Variants in GRM8 observed in about 807,000 individuals in gnomAD.
GRM8 encodes metabotropic glutamate receptor 8.
GRM8 carries 47 observed loss-of-function variants against 87.2 expected under a neutral mutation model. The ratio of observed to expected loss-of-function variants is 0.54; its 90% CI spans 0.43 to 0.69. The LOEUF (loss-of-function observed/expected upper bound fraction) is 0.69. Among genes scored for constraint, GRM8 ranks in the 30% least tolerant of loss-of-function variants. GRM8 has a pLI of 0.00. For synonymous variants in GRM8, 396 were observed against 404.5 expected, an observed-to-expected ratio of 0.98 and a Z score of 0.25; for missense variants, 1,019 against 1,139.2, an observed-to-expected ratio of 0.89 and a Z score of 1.52.
chr7:127,072,546 C>T (rs1821804455), intron 3 of GRM8, among the ~76,000 whole-genome samples: 1 of 151,946 alleles, frequency 6.6e-6, no homozygotes, highest in Non-Finnish European at 1.5e-5. Context: ...TGTTCTCAAA[C>T]TTATGCTTTC....
At chr7:127,041,774 T>G (rs934739897) in intron 3 of GRM8, among the ~76,000 whole-genome samples, 7 of 152,192 alleles carry the variant, frequency 4.6e-5, no homozygotes, top group African/African-American at 1.7e-4. Flanking sequence ...TCCAGTCAGG[T>G]TGGTTTATGC....
chr7:126,763,464 T>C (rs1433242257), intron 7 of GRM8, among the ~76,000 whole-genome samples: 1 of 77,270 alleles, frequency 1.3e-5, no homozygotes, highest in African/African-American at 3.6e-5. Context: ...TATATATATA[T>C]ATATATATAC....
At chr7:126,544,613 C>T (rs1172666021) in intron 8 of GRM8, among the ~76,000 whole-genome samples, 3 of 152,040 alleles carry the variant, frequency 2.0e-5, no homozygotes, top group South Asian at 2.1e-4. Flanking sequence ...CGGGTTCAGA[C>T]GATTCTCCTG....
intron 6 of GRM8, among the ~76,000 whole-genome samples, chr7:126,884,760 T>A (rs1477056385): frequency 6.6e-6 from 1 of 152,148 alleles, no homozygotes; most frequent in Non-Finnish European, 1.5e-5. Flanking sequence ...CAAAAAGATA[T>A]GCTCCTTATC....
At chr7:126,540,580 T>A (rs1471557990) in intron 8 of GRM8, among the ~76,000 whole-genome samples, 1 of 152,212 alleles carries the variant, frequency 6.6e-6, no homozygotes, top group Non-Finnish European at 1.5e-5. Flanking sequence ...AAATGTGGTA[T>A]ATCTATATTA....
intron 6 of GRM8, among the ~76,000 whole-genome samples, chr7:126,814,347 T>A (rs894261124): frequency 2.0e-5 from 3 of 152,082 alleles, no homozygotes; most frequent in African/African-American, 7.2e-5. Context: ...GTAAGGGACC[T>A]TATCAGATAC....
intron 2 of GRM8, among the ~76,000 whole-genome samples, chr7:127,131,161 C>G (rs889429234): frequency 6.6e-6 from 1 of 152,194 alleles, no homozygotes; most frequent in African/African-American, 2.4e-5. Flanking sequence ...CAGGCTCCCT[C>G]CCAACCTTCA....
chr7:126,583,275 G>A (rs1795782625), intron 8 of GRM8, among the ~76,000 whole-genome samples: 1 of 152,056 alleles, frequency 6.6e-6, no homozygotes, highest in African/African-American at 2.4e-5. Flanking sequence ...AAAATTGCTT[G>A]AACCCGGGAA....
intron 2 of GRM8, among the ~76,000 whole-genome samples, chr7:127,177,833 A>G (rs1197910775): frequency 6.6e-6 from 1 of 152,214 alleles, no homozygotes; most frequent in Non-Finnish European, 1.5e-5. Context: ...CCTGTGGGAC[A>G]AAAGAATCTG....
chr7:126,811,995 G>A (rs1209884434), intron 6 of GRM8, among the ~76,000 whole-genome samples: 1 of 151,824 alleles, frequency 6.6e-6, no homozygotes, highest in Non-Finnish European at 1.5e-5. Context: ...GGTGAGAGGG[G>A]TGAAGATGAA....
intron 8 of GRM8, among the ~76,000 whole-genome samples, chr7:126,577,194 T>A (rs1185468274): frequency 6.6e-6 from 1 of 152,172 alleles, no homozygotes; most frequent in Non-Finnish European, 1.5e-5. Flanking sequence ...TCACCCAATC[T>A]AGGCATGGGT....
At chr7:126,817,003 C>A (rs1204328505) in intron 6 of GRM8, among the ~76,000 whole-genome samples, 2 of 151,880 alleles carry the variant, frequency 1.3e-5, no homozygotes, top group Admixed American at 1.3e-4. Context: ...TGAAATATAA[C>A]CACATTATTA....
chr7:126,898,412 A>T (rs1801748584), intron 6 of GRM8, among the ~76,000 whole-genome samples: 1 of 152,172 alleles, frequency 6.6e-6, no homozygotes, highest in African/African-American at 2.4e-5. Flanking sequence ...TTGCTTTTTT[A>T]AAAAATTAAA....
At chr7:127,152,541 A>G (rs1289749477) in intron 2 of GRM8, among the ~76,000 whole-genome samples, 1 of 152,152 alleles carries the variant, frequency 6.6e-6, no homozygotes, top group African/African-American at 2.4e-5. Context: ...AAGACACTCA[A>G]CCTGGATTGC....
chr7:127,161,862 G>C (rs1183731356), intron 2 of GRM8, among the ~76,000 whole-genome samples: 2 of 152,070 alleles, frequency 1.3e-5, no homozygotes, highest in Non-Finnish European at 2.9e-5. Flanking sequence ...CCCTATTTCA[G>C]TGGATTTAAG....
At chr7:127,243,817 G>A (rs1478065481) in intron 1 of GRM8, among the ~76,000 whole-genome samples, 5 of 150,114 alleles carry the variant, frequency 3.3e-5, no homozygotes, top group Non-Finnish European at 5.9e-5. Context: ...TAAAAATCCT[G>A]CAACTGATGG....
chr7:127,173,471 G>A (rs1793932391), intron 2 of GRM8, among the ~76,000 whole-genome samples: 1 of 152,108 alleles, frequency 6.6e-6, no homozygotes, highest in Admixed American at 6.6e-5. Flanking sequence ...GGGAAAGAAA[G>A]GAGTAGTAGA....
intron 2 of GRM8, among the ~76,000 whole-genome samples, chr7:127,186,361 G>T (rs1794736181): frequency 6.6e-6 from 1 of 152,158 alleles, no homozygotes; most frequent in Non-Finnish European, 1.5e-5. Context: ...TGTCCAATCT[G>T]CCCCAGCAGT....
intron 2 of GRM8, among the ~76,000 whole-genome samples, chr7:127,126,320 T>G (rs1827369734): frequency 1.3e-5 from 2 of 151,960 alleles, no homozygotes; most frequent in African/African-American, 4.8e-5. Flanking sequence ...GAAGCATGTC[T>G]TTTGCAGCAA....
Sources: gnomAD v4.1 joint callset for allele counts (sites outside exome capture counted in the v4.1 genomes callset) on GRCh38, gnomAD v4.1.1 for gene constraint, MANE v1.5 for transcripts, NCBI Gene and HGNC (gene_info 2026-07-23, HGNC 2026-07-21) for gene names.